The following KCNAB2 variants were observed in gnomAD, a reference collection of about 807,000 sequenced individuals.
KCNAB2 encodes the protein voltage-gated potassium channel subunit beta-2.
KCNAB2 carries 29 observed loss-of-function variants against 63.6 expected under a neutral mutation model. The observed-to-expected ratio is 0.46, with a 90% CI of 0.34 to 0.62. The LOEUF is 0.62. Ranked by LOEUF, KCNAB2 falls within the 20% of genes least tolerant of loss-of-function variation. The pLI, the probability that KCNAB2 is intolerant of heterozygous loss-of-function variation, is 0.01. For missense variants in KCNAB2, 359 were observed against 563.9 expected (o/e 0.64, Z 3.68); for synonymous variants, 222 against 224.2 (o/e 0.99, Z 0.09).
intron 8 of KCNAB2, among the ~76,000 whole-genome samples, chr1:6,089,263 G>C (rs1447799730): frequency 6.6e-6 from 1 of 152,258 alleles, no homozygotes; most frequent in Non-Finnish European, 1.5e-5. Flanking sequence ...GCTGAGCACA[G>C]ACCACAGACC....
intron 1 of KCNAB2, among the ~76,000 whole-genome samples, chr1:6,020,739 T>C (rs1294128510): frequency 1.3e-5 from 2 of 152,226 alleles, no homozygotes; most frequent in Non-Finnish European, 2.9e-5. Context: ...CGATCTCGGC[T>C]CGCTGCAACC....
chr1:6,073,055 C>T lies in KCNAB2; in HGVS notation c.262+257C>T, dbSNP rs988244188. Among the ~76,000 whole-genome samples, 5 of 152,086 alleles carry T rather than the reference C, an allele frequency of 3.3e-5. No homozygotes were observed. The highest frequency in any genetic ancestry group is 2.1e-4 in the South Asian group (1 of 4,826). On this transcript the variant is annotated intron_variant, in intron 3 of 15. Coordinates refer to ENST00000378083, the MANE Select transcript of KCNAB2 (RefSeq NM_001199862.2). This position sits in a 1 kb window ranked among gnomAD's most constrained non-coding sequence, Gnocchi z 5.7. ...GTGAGGCGGATACTAGGGGCCCCTC[C>T]ACACATGGTCCCCACCCCACACCAC...
At chr1:6,038,889 G>C (rs890114349) in intron 1 of KCNAB2, among the ~76,000 whole-genome samples, 1 of 152,250 alleles carries the variant, frequency 6.6e-6, no homozygotes, top group African/African-American at 2.4e-5. Context: ...TTTGAGCCCA[G>C]ACCATCCCTT....
At chr1:5,993,502 C>A (rs1008045215) in intron 1 of KCNAB2, among the ~76,000 whole-genome samples, 2 of 152,228 alleles carry the variant, frequency 1.3e-5, no homozygotes, top group East Asian at 3.9e-4. Context: ...CAAAGCACTT[C>A]CGCACCTCCC....
At chr1:6,088,705 A>C (rs1664912444) in intron 7 of KCNAB2, among the ~76,000 whole-genome samples, 2 of 48,356 alleles carry the variant, frequency 4.1e-5, no homozygotes, top group South Asian at 8.7e-4. Flanking sequence ...AATTTAAAAA[A>C]TAATAATAAT....
chr1:6,039,409 G>A (rs1660316737), intron 1 of KCNAB2, among the ~76,000 whole-genome samples: 2 of 152,186 alleles, frequency 1.3e-5, no homozygotes, highest in African/African-American at 2.4e-5. Flanking sequence ...AGGCGGTGGG[G>A]GGAGCCACTG....
chr1:5,995,780 A>C (rs1656907935), intron 1 of KCNAB2: 1 of 152,274 alleles, frequency 6.6e-6, no homozygotes, highest in Non-Finnish European at 1.5e-5. Flanking sequence ...CTGGATAGGG[A>C]AACTGAGGCA....
At chr1:6,005,067 G>GA (rs1415605155) in intron 1 of KCNAB2, among the ~76,000 whole-genome samples, 1 of 34,066 alleles carries the variant, frequency 2.9e-5, no homozygotes, top group African/African-American at 9.3e-5. Flanking sequence ...GGGTAGAGTG[G>GA]GGGACATGGA....
Position 6,073,828 on chromosome 1 carries a change from G to A in KCNAB2, c.300+58G>A, listed in dbSNP as rs1308715571. 70 of 1,561,782 alleles carry A rather than the reference G, an allele frequency of 4.5e-5. No individual in the cohort carries two copies. The Middle Eastern group carries it at 5.0e-4, about 11-fold the overall frequency. ...CAGCACGGGCTCGCCAGAGCACATGGTTAAGTCTGCCGCGTGGACCAGTGA... is the reference window on the plus strand; with the variant it reads ...CAGCACGGGCTCGCCAGAGCACATGATTAAGTCTGCCGCGTGGACCAGTGA... On this transcript the variant is annotated intron_variant, in intron 4 of 15. Coordinates refer to ENST00000378083, the MANE Select transcript of KCNAB2 (RefSeq NM_001199862.2). This position sits in a 1 kb window ranked among gnomAD's most constrained non-coding sequence, Gnocchi z 5.7.
At chr1:6,002,655 C>T (rs552286855) in intron 1 of KCNAB2, among the ~76,000 whole-genome samples, 3 of 152,310 alleles carry the variant, frequency 2.0e-5, no homozygotes, top group East Asian at 1.9e-4. Flanking sequence ...CATCCCAGCA[C>T]GTCCCCATCA....
Position 6,095,546 on chromosome 1 carries a change from C to G in KCNAB2, c.870C>G (p.Thr290=). Residue 290 remains threonine, a synonymous_variant, in exon 13 of 16, where the codon ACC becomes ACG. Transcript: ENST00000378083. ...CCTCTTCAGGAGTGGGCGCCATGACCTGGTCCCCTCTGGCCTGTGGCATTG... is the reference window on the plus strand; with the variant it reads ...CCTCTTCAGGAGTGGGCGCCATGACGTGGTCCCCTCTGGCCTGTGGCATTG... ...LFHKIGVGAM[T]WSPLACGIVS... is the part of the protein sequence containing the mutation. 3 of 1,613,398 alleles carry G rather than the reference C, an allele frequency of 1.9e-6. No individual in the cohort carries two copies. Among genetic ancestry groups the G allele is most frequent in the Non-Finnish European group, 2.5e-6 (3 of 1,179,970 alleles).
At position 6,097,269 on chromosome 1, in the gene KCNAB2, C is replaced by A; in HGVS notation, c.1070C>A (p.Ala357Asp). 6.5e-7 allele frequency: 1 copy of A among 1,544,140 alleles called. No homozygotes were observed. Among genetic ancestry groups the A allele is most frequent in the Non-Finnish European group, 8.8e-7 (1 of 1,142,228 alleles). Residue 357 changes from alanine (A) to aspartate (D), a missense_variant and splice_region_variant, in exon 15 of 16, where the codon GCC becomes GAC. Transcript: ENST00000378083. ...CTCACCTTGGGTCTCGCCGCCACAG[C>A]CTGGTGCCTGAGGAATGAGGGAGTC... The part of the protein sequence containing the change: ...LGCTLPQLAI[A>D]WCLRNEGVSS...
rs572319083 is a variant in KCNAB2, at chr1:6,024,631, T to C, written c.-52-15886T>C. 1.2e-3 allele frequency among the ~76,000 whole-genome samples: 177 copies of C among 152,332 alleles called. 1 individual carries two copies. The highest frequency in any genetic ancestry group is 4.1e-3 in the African/African-American group (170 of 41,574). On this transcript the variant is annotated intron_variant, in intron 1 of 16. Coordinates refer to the KCNAB2 transcript ENST00000341524. The surrounding 1 kb of genome is among the most constrained non-coding windows in gnomAD (Gnocchi z 5.4). ...ACCTCTGCTCGTGAGATTCAGCATCTGCAGCTGTGGTCTGTGATAGCCGTG... is the reference window on the plus strand; with the variant it reads ...ACCTCTGCTCGTGAGATTCAGCATCCGCAGCTGTGGTCTGTGATAGCCGTG...
rs1254477664 is a variant in KCNAB2 at position 6,071,138 on chromosome 1, T to A, written c.219-1617T>A. On this transcript the variant is annotated intron_variant, in intron 2 of 15. Coordinates refer to ENST00000378083, the MANE Select transcript of KCNAB2 (RefSeq NM_001199862.2). The surrounding 1 kb of genome is among the most constrained non-coding windows in gnomAD (Gnocchi z 8.5). ...CGAGGCTGAGAGGGACAGAGTGGGC[T>A]CGTGTCAGAAGTCGGGGGTTCAGAA... Among the ~76,000 whole-genome samples the A allele has an allele frequency of 6.6e-6, 1 of 152,140 alleles. No homozygotes were observed. The highest frequency in any genetic ancestry group is 1.9e-4 in the East Asian group (1 of 5,190).
rs1474730799 is a variant in KCNAB2 at position 5,994,504 on chromosome 1, G to A, written c.-53+1716G>A. 1.3e-5 allele frequency among the ~76,000 whole-genome samples: 2 copies of A among 152,204 alleles called. No homozygotes were observed. Among genetic ancestry groups the A allele is most frequent in the Non-Finnish European group, 2.9e-5 (2 of 68,038 alleles). ...ATCCCTCGAGAGCAGCATGGTAGGG[G>A]CTTCCCTGTTGACACCCAGGGCCAT... is the stretch of plus-strand genomic sequence containing the variant. On this transcript the variant is annotated intron_variant, in intron 1 of 16. Transcript: ENST00000341524. The surrounding 1 kb of genome is among the most constrained non-coding windows in gnomAD (Gnocchi z 5.4).
intron 2 of KCNAB2, among the ~76,000 whole-genome samples, chr1:6,059,413 C>T (rs1662115624): frequency 6.6e-6 from 1 of 152,128 alleles, no homozygotes; most frequent in East Asian, 1.9e-4. Flanking sequence ...TAGCTGGGAA[C>T]CCCTGGGCTC....
intron 3 of KCNAB2, 56 bp downstream of exon 3, chr1:6,072,854 G>A: frequency 6.4e-7 from 1 of 1,570,524 alleles, no homozygotes; most frequent in East Asian, 2.2e-5. Flanking sequence ...GGGAGGCCGG[G>A]CATGGACTGA....
chr1:6,095,201 C>G, intron 11 of KCNAB2, 122 bp from the exon 12 acceptor site: 1 of 1,042,594 alleles, frequency 9.6e-7, no homozygotes, highest in South Asian at 1.5e-5. Flanking sequence ...GTGGGGAGCC[C>G]GGGCTGCAGC....
chr1:6,066,053 C>T (rs1479816054), intron 2 of KCNAB2, among the ~76,000 whole-genome samples: 1 of 152,242 alleles, frequency 6.6e-6, no homozygotes, highest in Non-Finnish European at 1.5e-5. Context: ...GATCTGAGCA[C>T]CCGGCCTCAG....
Sources: gnomAD v4.1 joint callset for allele counts (sites outside exome capture counted in the v4.1 genomes callset) on GRCh38, gnomAD v4.1.1 for gene constraint, Gnocchi (gnomAD v3.1) non-coding constraint, MANE v1.5 for transcripts, NCBI Gene and HGNC (gene_info 2026-07-23, HGNC 2026-07-21) for gene names.